TNRC6B: variants seen among roughly 807,000 people sequenced by gnomAD.
TNRC6B encodes trinucleotide repeat containing adaptor 6B, also known as trinucleotide repeat-containing gene 6B protein.
A neutral mutation model predicts 203.6 loss-of-function variants in TNRC6B; 52 were observed. The ratio of observed to expected loss-of-function variants is 0.26; its 90% confidence interval spans 0.20 to 0.32. The LOEUF (loss-of-function observed/expected upper bound fraction) is 0.32. Ranked by LOEUF, TNRC6B falls within the 10% of genes least tolerant of loss-of-function variation. TNRC6B has a pLI of 1.00. For synonymous variants in TNRC6B, 838 were observed against 845.7 expected (o/e 0.99, Z 0.16); for missense variants, 1,923 against 2,286.2 (o/e 0.84, Z 3.24).
At chr22:40,246,147 C>T (rs1358363375) in intron 2 of TNRC6B, 45 bp downstream of exon 2, 9 of 1,409,068 alleles carry the variant, frequency 6.4e-6, no homozygotes, top group Non-Finnish European at 8.7e-6. Flanking sequence ...GCTAGGCATC[C>T]AGCATCCAGA....
intron 16 of TNRC6B, 101 bp from the exon 17 acceptor site, chr22:40,310,716 C>T (rs141040466): frequency 8.4e-7 from 1 of 1,189,588 alleles, no homozygotes; most frequent in African/African-American, 1.5e-5. Flanking sequence ...GTATATACTC[C>T]ATCAGCTTCA....
At chr22:40,264,355 C>T (rs2070438492) in intron 4 of TNRC6B, among the ~76,000 whole-genome samples, 1 of 152,118 alleles carries the variant, frequency 6.6e-6, no homozygotes, top group South Asian at 2.1e-4. Context: ...ATTGCTCCAG[C>T]CAGGGGTGTT....
At chr22:40,198,934 C>G (rs1045784990) in intron 1 of TNRC6B, among the ~76,000 whole-genome samples, 2 of 151,902 alleles carry the variant, frequency 1.3e-5, no homozygotes, top group African/African-American at 4.8e-5. Context: ...CTTCTATATC[C>G]CATTTTCCAC....
chr22:40,290,373 A>C (rs1455864949), intron 12 of TNRC6B, among the ~76,000 whole-genome samples: 1 of 152,214 alleles, frequency 6.6e-6, no homozygotes, highest in Non-Finnish European at 1.5e-5. Context: ...TTTCAGCGGG[A>C]ATCCCCTCGT....
intron 7 of TNRC6B, among the ~76,000 whole-genome samples, chr22:40,274,129 G>T (rs2070604972): frequency 1.3e-5 from 2 of 152,114 alleles, no homozygotes; most frequent in South Asian, 4.1e-4. Context: ...AGTTTTCAAA[G>T]ATACGAGATA....
At chr22:40,193,415 G>C (rs2069298420) in intron 1 of TNRC6B, among the ~76,000 whole-genome samples, 1 of 152,190 alleles carries the variant, frequency 6.6e-6, no homozygotes. Flanking sequence ...GGTCTCTGGG[G>C]ATAAAGCAGT....
At chr22:40,293,927 A>G (rs1457493651) in intron 12 of TNRC6B, among the ~76,000 whole-genome samples, 4 of 151,466 alleles carry the variant, frequency 2.6e-5, no homozygotes, top group African/African-American at 9.7e-5. Flanking sequence ...CTTTATGACC[A>G]AAGTGTCTGC....
At chr22:40,092,098 C>G (rs1269496779) in intron 1 of TNRC6B, among the ~76,000 whole-genome samples, 2 of 152,084 alleles carry the variant, frequency 1.3e-5, no homozygotes, top group Non-Finnish European at 2.9e-5. Context: ...GTCAGCAGAA[C>G]CAACAAAAAT....
intron 4 of TNRC6B, among the ~76,000 whole-genome samples, chr22:40,168,134 G>GATTGCCTCATGCATATGTCTT (rs2068937745): frequency 1.3e-5 from 2 of 151,948 alleles, no homozygotes; most frequent in Non-Finnish European, 1.5e-5. Context: ...CTTTTTTGTT[G>GATTGCCTCATGCATATGTCTT]ATTGCCTCAT....
chr22:40,259,310 C>G (rs893654186), intron 3 of TNRC6B, among the ~76,000 whole-genome samples: 2 of 152,032 alleles, frequency 1.3e-5, no homozygotes, highest in African/African-American at 4.8e-5. Flanking sequence ...CTGCAACCCC[C>G]GCTTCCCAGG....
intron 4 of TNRC6B, among the ~76,000 whole-genome samples, chr22:40,166,447 G>A (rs571295912): frequency 1.9e-4 from 25 of 133,660 alleles, no homozygotes; most frequent in African/African-American, 3.4e-4. Flanking sequence ...TTTTTTTTTC[G>A]TGCTATACTC....
chr22:40,229,769 C>T (rs1255185386), intron 1 of TNRC6B, among the ~76,000 whole-genome samples: 1 of 152,148 alleles, frequency 6.6e-6, no homozygotes, highest in East Asian at 1.9e-4. Context: ...TTAGGTTCAT[C>T]CATGTTGTGT....
intron 17 of TNRC6B, among the ~76,000 whole-genome samples, chr22:40,311,418 A>T (rs529148512): frequency 6.6e-6 from 1 of 152,324 alleles, no homozygotes; most frequent in East Asian, 1.9e-4. Context: ...TGATAGAAAA[A>T]TGAGAACATT....
intron 15 of TNRC6B, among the ~76,000 whole-genome samples, chr22:40,307,540 A>G (rs978983201): frequency 1.3e-5 from 2 of 151,994 alleles, no homozygotes; most frequent in South Asian, 2.1e-4. Context: ...TCTGACCCAA[A>G]TGGATGACGG....
rs2146596921 is a variant in TNRC6B at position 40,334,462 on chromosome 22, T to C, written c.*11221T>C. ...TGTTCCCACTCCTAACTCTCCACTATGTGCTTATAACTTCACATTCTATGC... is the reference window on the plus strand; with the variant it reads ...TGTTCCCACTCCTAACTCTCCACTACGTGCTTATAACTTCACATTCTATGC... On this transcript the variant is annotated 3_prime_UTR_variant, in exon 23 of 23. Transcript: ENST00000454349. The C allele has an allele frequency of 6.6e-6, 1 of 152,670 alleles. No individual in the cohort carries two copies. Among genetic ancestry groups the C allele is most frequent in the South Asian group, 2.1e-4 (1 of 4,816 alleles). The allele number at this position is 152,670 out of a possible 1,614,324, so 9.5% of individuals were successfully genotyped here.
At chr22:40,193,416 A>G (rs1198831086) in intron 1 of TNRC6B, among the ~76,000 whole-genome samples, 3 of 152,184 alleles carry the variant, frequency 2.0e-5, no homozygotes, top group African/African-American at 7.2e-5. Context: ...GTCTCTGGGG[A>G]TAAAGCAGTG....
chr22:40,129,631 ATTTG>A (rs1018961874), intron 3 of TNRC6B, among the ~76,000 whole-genome samples: 1 of 152,196 alleles, frequency 6.6e-6, no homozygotes, highest in African/African-American at 2.4e-5. Context: ...AGACACCTGG[ATTTG>A]TTTAAGAACT....
intron 7 of TNRC6B, among the ~76,000 whole-genome samples, chr22:40,276,493 G>T (rs1474330618): frequency 6.6e-6 from 1 of 152,152 alleles, no homozygotes; most frequent in Admixed American, 6.5e-5. Flanking sequence ...TTGTTCAGGG[G>T]AGAAACTAGT....
intron 5 of TNRC6B, among the ~76,000 whole-genome samples, chr22:40,269,060 C>T (rs2070520874): frequency 6.7e-6 from 1 of 150,072 alleles, no homozygotes; most frequent in African/African-American, 2.4e-5. Context: ...TTGCTTTTCT[C>T]ATTATACTTA....
Sources: gnomAD v4.1 joint callset for allele counts (sites outside exome capture counted in the v4.1 genomes callset) on GRCh38, gnomAD v4.1.1 for gene constraint, MANE v1.5 for transcripts, NCBI Gene and HGNC (gene_info 2026-07-23, HGNC 2026-07-21) for gene names.